The following RSRP1 variants were observed in gnomAD, a reference collection of about 807,000 sequenced individuals.
RSRP1 encodes the protein arginine and serine rich protein 1, also known as arginine/serine-rich protein 1.
A neutral mutation model predicts 33.0 loss-of-function variants in RSRP1; 37 were observed. The observed-to-expected ratio is 1.12, with a 90% confidence interval of 0.86 to 1.48. The LOEUF is 1.48. RSRP1 is among the 40% of genes most tolerant of loss of function. RSRP1 has a pLI of 0.00. For synonymous variants in RSRP1, 167 were observed against 158.7 expected, an observed-to-expected ratio of 1.05 and a Z score of -0.40; for missense variants, 402 against 385.3, an observed-to-expected ratio of 1.04 and a Z score of -0.36.
chr1:25,255,405 G>C (rs1435161421), intron 1 of RSRP1, among the ~76,000 whole-genome samples: 1 of 152,182 alleles, frequency 6.6e-6, no homozygotes, highest in African/African-American at 2.4e-5. Flanking sequence ...CCTGTGTAAA[G>C]ATGAACTGTT....
chr1:25,302,317 TG>T lies in RSRP1; in HGVS notation c.-67+35660del, dbSNP rs568375574. 5.3e-3 allele frequency among the ~76,000 whole-genome samples: 661 copies of T among 124,452 alleles called. 91 individuals carry two copies. The highest frequency in any genetic ancestry group is 0.015 in the African/African-American group (547 of 35,842). 81.6% of individuals were successfully genotyped at this position (124,452 alleles called of 152,430 possible). A position where few individuals can be genotyped will look rare whatever the true frequency, so the allele number is the denominator to read the frequency against. ...GAGACAAAACAAGTTCTCATGATGA[TG>T]GGGGAAGGGGCTCCAGCTGGTGGTG... On this transcript the variant is annotated intron_variant, in intron 1 of 1. Coordinates refer to the RSRP1 transcript ENST00000561867.
At chr1:25,294,669 C>G in intron 1 of RSRP1, 1 of 755,378 alleles carries the variant, frequency 1.3e-6, no homozygotes, top group East Asian at 2.4e-5. Context: ...GAGAGTTCAT[C>G]TTAACGAGAG....
chr1:25,312,955 ACT>A (rs1355947372), intron 1 of RSRP1, among the ~76,000 whole-genome samples: 29 of 109,942 alleles, frequency 2.6e-4, no homozygotes, highest in East Asian at 8.4e-4. Context: ...AAAAAAAAAA[ACT>A]TTAGTGCTAT....
rs1640452361 is a variant in RSRP1, at chr1:25,270,299, T to C, written c.-66-23270A>G. 4.7e-5 allele frequency among the ~76,000 whole-genome samples: 6 copies of C among 129,030 alleles called. 1 individual carries two copies. The South Asian group carries it at 1.4e-3, about 30-fold the overall frequency. The allele number at this position is 129,030 out of a possible 152,430, so 84.6% of individuals were successfully genotyped here. On this transcript the variant is annotated intron_variant, in intron 1 of 1. Coordinates refer to the RSRP1 transcript ENST00000561867. ...TTAGAATTGGAAGAAGACTTAGAAG[T>C]AATCTAGGCTGGGGGTCCCCAACCC...
chr1:25,296,054 A>G (rs1642930481), intron 1 of RSRP1, among the ~76,000 whole-genome samples: 2 of 111,122 alleles, frequency 1.8e-5, no homozygotes, highest in Non-Finnish European at 4.3e-5. Flanking sequence ...GTAGAGACGG[A>G]GTTTTGCCAT....
chr1:25,338,218 G>A (rs376768219), upstream of RSRP1: 2 of 152,334 alleles, frequency 1.3e-5, no homozygotes, highest in Non-Finnish European at 1.5e-5. Context: ...GAAAGCCCCT[G>A]AACCCAGCGC....
rs369913758 is a variant in RSRP1 at position 25,315,743 on chromosome 1, G to A, written c.-67+22235C>T. ...CATCTCCTGACCTCATGATCTGCCC[G>A]CCTCGGCCTCCCAAAGTGTGGGGAT... On this transcript the variant is annotated intron_variant, in intron 1 of 1. Transcript: ENST00000561867. Among the ~76,000 whole-genome samples, 10 of 129,968 alleles carry A rather than the reference G, an allele frequency of 7.7e-5. 1 individual carries two copies. In the East Asian group the frequency reaches 1.6e-3, roughly 20 times the overall value. The allele number at this position is 129,968 out of a possible 152,430, so 85.3% of individuals were successfully genotyped here.
At chr1:25,295,317 G>A (rs2986157) in intron 1 of RSRP1, among the ~76,000 whole-genome samples, 51,928 of 98,616 alleles carry the variant, frequency 0.53, 8,537 homozygotes, top group East Asian at 0.82. Context: ...CTGTTGTGAG[G>A]ATTGAACAAG....
intron 1 of RSRP1, chr1:25,329,357 GC>G (rs1644941544): frequency 6.1e-6 from 2 of 329,538 alleles, no homozygotes; most frequent in Non-Finnish European, 1.2e-5. Context: ...CAAATCTCCT[GC>G]CTCAGCCTCC....
At position 25,260,764 on chromosome 1, in the gene RSRP1, C is replaced by A. The variant is rs1435449758; in HGVS notation, c.-66-13735G>T. The stretch of plus-strand genomic sequence containing the variant: ...CCTCCTCCCTGTGTCCTCATAGAGC[C>A]TGTCCTCTGCTTTTACACTTCTGGT... On this transcript the variant is annotated intron_variant, in intron 1 of 1. Coordinates refer to the RSRP1 transcript ENST00000561867. Among the ~76,000 whole-genome samples the A allele has an allele frequency of 5.3e-5, 8 of 151,768 alleles. No homozygotes were observed. In the East Asian group the frequency reaches 1.5e-3, roughly 29 times the overall value.
At chr1:25,304,524 G>A (rs1369841568) in intron 1 of RSRP1, 1 of 128,932 alleles carries the variant, frequency 7.8e-6, no homozygotes, top group Non-Finnish European at 1.8e-5. Flanking sequence ...CTTGAACCTG[G>A]GAGACAGAGC....
At chr1:25,277,966 G>A (rs1243059615) in intron 1 of RSRP1, among the ~76,000 whole-genome samples, 1 of 132,858 alleles carries the variant, frequency 7.5e-6, no homozygotes, top group African/African-American at 2.6e-5. Flanking sequence ...GAGCCACCGC[G>A]CCTGGCCCAA....
intron 1 of RSRP1, among the ~76,000 whole-genome samples, chr1:25,263,807 T>G (rs370342667): frequency 3.9e-5 from 6 of 152,104 alleles, no homozygotes; most frequent in African/African-American, 1.5e-4. Flanking sequence ...TCCTTTCCAT[T>G]TATGAGCCTA....
At chr1:25,330,976 T>G (rs1257146313) in intron 1 of RSRP1, among the ~76,000 whole-genome samples, 1 of 96,100 alleles carries the variant, frequency 1.0e-5, no homozygotes, top group Non-Finnish European at 2.5e-5. Context: ...TTTTTTTTTT[T>G]TTTTTGAGAC....
rs778789123 is a variant in RSRP1, at chr1:25,242,662, G to C, written c.800C>G (p.Thr267Arg). 1 of 1,611,492 alleles carries C rather than the reference G, an allele frequency of 6.2e-7. No individual in the cohort carries two copies. Among genetic ancestry groups the C allele is most frequent in the Non-Finnish European group, 8.5e-7 (1 of 1,179,862 alleles). Residue 267 changes from threonine (T) to arginine (R), a missense_variant, in exon 5 of 5, where the codon ACA (threonine) becomes AGA (arginine). Physicochemically the swap from Thr to Arg is moderately conservative, Grantham distance 71. Transcript: ENST00000243189. ...KPIQKSAKAA[T>R]EEASSRSPKI... ...TGGTGATCTTGAAGATGCCTCTTCT[G>C]TGGCAGCTTTAGCTGATTTTTGTAT...
At position 25,246,803 on chromosome 1, in the gene RSRP1, G is replaced by A. The variant is rs1345796465; in HGVS notation, c.161C>T (p.Ser54Leu). The change falls in exon 2 of 5, where the codon TCG (serine) becomes TTG (leucine). Residue 54 changes from serine to leucine, a missense_variant. Physicochemically the swap from Ser to Leu is moderately radical, Grantham distance 145. Transcript: ENST00000243189. The stretch of plus-strand genomic sequence containing the variant: ...GGACTTGCTCCTCCGACTCCTGGAC[G>A]AAAACCGGCTCGAGACGCGGGAATG... ...RSHSRVSSRF[S>L]SRSRRSKSRS... 2 of 1,613,550 alleles carry A rather than the reference G, an allele frequency of 1.2e-6. No homozygotes were observed. Among genetic ancestry groups the A allele is most frequent in the Non-Finnish European group, 1.7e-6 (2 of 1,179,768 alleles).
At chr1:25,258,218 T>C (rs1640009456) in intron 1 of RSRP1, among the ~76,000 whole-genome samples, 1 of 152,218 alleles carries the variant, frequency 6.6e-6, no homozygotes, top group South Asian at 2.1e-4. Context: ...TCTCGATCTG[T>C]TGCCCAAGCT....
At position 25,299,382 on chromosome 1, in the gene RSRP1, A is replaced by AAAAT. The variant is rs530289550; in HGVS notation, c.-67+38592_-67+38595dup. Among the ~76,000 whole-genome samples the AAAAT allele has an allele frequency of 3.6e-3, 476 of 130,606 alleles. 68 individuals are homozygous for AAAAT. Among genetic ancestry groups the AAAAT allele is most frequent in the African/African-American group, 0.012 (441 of 37,986 alleles). 85.7% of individuals were successfully genotyped at this position (130,606 alleles called of 152,430 possible). On this transcript the variant is annotated intron_variant, in intron 1 of 1. Transcript: ENST00000561867. ...GGCGACAGAGTGAGACTCCGTCTCA[A>AAAAT]AAATAAATAAATAAATAAATACAAA...
intron 1 of RSRP1, among the ~76,000 whole-genome samples, chr1:25,309,182 G>C (rs1334367621): frequency 7.6e-6 from 1 of 132,200 alleles, no homozygotes; most frequent in Non-Finnish European, 1.8e-5. Flanking sequence ...ATGTGATTGA[G>C]TCAGATGCTG....
Sources: allele counts gnomAD v4.1 joint callset (sites outside exome capture counted in the v4.1 genomes callset), GRCh38; gene constraint gnomAD v4.1.1; transcripts MANE v1.5; gene names NCBI Gene and HGNC (gene_info 2026-07-23, HGNC 2026-07-21).